The following GRIP2 variants were observed in gnomAD, a reference collection of about 807,000 sequenced individuals.
GRIP2 encodes the protein glutamate receptor-interacting protein 2.
In GRIP2, 58 loss-of-function variants were observed where a neutral mutation model predicts 108.3. The observed-to-expected ratio is 0.54, with a 90% CI of 0.43 to 0.67. The LOEUF is 0.67. Among genes scored for constraint, GRIP2 ranks in the 30% least tolerant of loss-of-function variants. The pLI, the probability that GRIP2 is intolerant of heterozygous loss-of-function variation, is 0.00. For synonymous variants in GRIP2, 586 were observed against 598.2 expected (o/e 0.98, Z 0.30); for missense variants, 1,278 against 1,430.6 (o/e 0.89, Z 1.72).
chr3:14,518,645 G>T (rs1694321172), intron 9 of GRIP2, among the ~76,000 whole-genome samples: 1 of 152,144 alleles, frequency 6.6e-6, no homozygotes, highest in African/African-American at 2.4e-5. Context: ...CTCTCCTCTT[G>T]CGCGGATGGA....
the GRIP2 span, among the ~76,000 whole-genome samples, chr3:14,563,010 G>A: frequency 5.3e-5 from 8 of 151,666 alleles, no homozygotes; most frequent in East Asian, 5.8e-4. Flanking sequence ...AATGAGAGTG[G>A]GGGAAAAAAA....
chr3:14,550,570 C>A (rs986095051), intron 1 of GRIP2, among the ~76,000 whole-genome samples: 1 of 152,250 alleles, frequency 6.6e-6, no homozygotes, highest in African/African-American at 2.4e-5. Flanking sequence ...TCTACCTCCA[C>A]CTCTGACTGG....
chr3:14,540,189 C>T lies in GRIP2; in HGVS notation c.40+80G>A. ...CAGTCCCAGGTCTCAGCCATCCAGT[C>T]CCCTCTCTCTGGGCAGCAGCTCCAG... On this transcript the variant is annotated intron_variant, in intron 1 of 23. Coordinates refer to ENST00000621039, the MANE Select transcript of GRIP2 (RefSeq NM_001080423.4). This position sits in a 1 kb window ranked among gnomAD's most constrained non-coding sequence, Gnocchi z 4.1. 2.0e-6 allele frequency: 3 copies of T among 1,533,536 alleles called. No homozygotes were observed. Among genetic ancestry groups the T allele is most frequent in the Non-Finnish European group, 2.7e-6 (3 of 1,126,228 alleles). The allele number at this position is 1,533,536 out of a possible 1,614,324, so 95.0% of individuals were successfully genotyped here. A position where few individuals can be genotyped will look rare whatever the true frequency, so the allele number is the denominator to read the frequency against.
intron 4 of GRIP2, 49 bp from the exon 5 acceptor site, chr3:14,523,747 G>T: frequency 8.0e-7 from 1 of 1,253,796 alleles, no homozygotes. Flanking sequence ...GCATCTCCAG[G>T]CCGGTAGATG....
At chr3:14,554,450 G>T (rs561090691) in intron 1 of GRIP2, among the ~76,000 whole-genome samples, 1 of 152,206 alleles carries the variant, frequency 6.6e-6, no homozygotes, top group Non-Finnish European at 1.5e-5. Context: ...AGCCTCAATG[G>T]GGGAGGGAGT....
chr3:14,598,347 GAC>G, the GRIP2 span, among the ~76,000 whole-genome samples: 86 of 147,406 alleles, frequency 5.8e-4, no homozygotes, highest in African/African-American at 1.7e-3. Flanking sequence ...ACCACAGGGG[GAC>G]ACACACACAC....
intron 1 of GRIP2, among the ~76,000 whole-genome samples, chr3:14,532,647 G>A (rs1694738588): frequency 1.3e-5 from 2 of 152,124 alleles, no homozygotes; most frequent in African/African-American, 2.4e-5. Context: ...GGTCAGGGGT[G>A]GGGCTCAACC....
chr3:14,507,500 A>G lies in GRIP2; in HGVS notation c.2218+61T>C. Reference sequence around the variant, plus strand: ...TGAGGGTGTGCAGGCAAAGCCTGGCACAGAGGGATTGCCCTTCCTAAACCT... The same window carrying G: ...TGAGGGTGTGCAGGCAAAGCCTGGCGCAGAGGGATTGCCCTTCCTAAACCT... On this transcript the variant is annotated intron_variant, in intron 18 of 23. Coordinates refer to ENST00000621039, the MANE Select transcript of GRIP2 (RefSeq NM_001080423.4). The surrounding 1 kb of genome is among the most constrained non-coding windows in gnomAD (Gnocchi z 4.6). 1 of 1,592,056 alleles carries G rather than the reference A, an allele frequency of 6.3e-7. No individual in the cohort carries two copies. Among genetic ancestry groups the G allele is most frequent in the Non-Finnish European group, 8.6e-7 (1 of 1,162,400 alleles).
intron 21 of GRIP2, among the ~76,000 whole-genome samples, chr3:14,498,565 T>C (rs1693679686): frequency 6.6e-6 from 1 of 152,074 alleles, no homozygotes; most frequent in East Asian, 1.9e-4. Context: ...GAAGCACCTT[T>C]TTCACACCTT....
At chr3:14,543,309 G>A (rs1211307475), upstream of GRIP2, among the ~76,000 whole-genome samples, 1 of 152,206 alleles carries the variant, frequency 6.6e-6, no homozygotes. Context: ...ATGTTAAGAG[G>A]GTCCTCAGGT....
At chr3:14,572,324 A>C in the GRIP2 span, among the ~76,000 whole-genome samples, 859 of 152,068 alleles carry the variant, frequency 5.6e-3, 11 homozygotes, top group East Asian at 0.029. Context: ...TCGTCAAGAC[A>C]CAAGCTAGGC....
At chr3:14,539,494 G>A (rs558115969) in intron 1 of GRIP2, among the ~76,000 whole-genome samples, 1 of 152,248 alleles carries the variant, frequency 6.6e-6, no homozygotes, top group East Asian at 1.9e-4. Context: ...TTCCTCCTCT[G>A]TCCACTGGGA....
chr3:14,499,258 C>G (rs559639168), intron 21 of GRIP2, among the ~76,000 whole-genome samples: 1 of 152,298 alleles, frequency 6.6e-6, no homozygotes, highest in Non-Finnish European at 1.5e-5. Flanking sequence ...AAGTGAGGAG[C>G]GATCTCACTG....
intron 3 of GRIP2, 34 bp downstream of exon 3, chr3:14,525,403 C>A (rs1575016845): frequency 6.2e-7 from 1 of 1,606,138 alleles, no homozygotes; most frequent in East Asian, 2.2e-5. Context: ...CCTCTGCACC[C>A]CCCTCCTGCG....
At chr3:14,517,001 T>C in intron 11 of GRIP2, 63 bp downstream of exon 11, 3 of 1,402,670 alleles carry the variant, frequency 2.1e-6, no homozygotes, top group South Asian at 3.4e-5. Flanking sequence ...CATACACCCT[T>C]TGGCAAGCCT....
the GRIP2 span, among the ~76,000 whole-genome samples, chr3:14,589,992 C>T: frequency 6.6e-6 from 1 of 151,984 alleles, no homozygotes; most frequent in Admixed American, 6.6e-5. Flanking sequence ...GAGGTCTCAC[C>T]ATGTTACCTA....
chr3:14,526,760 C>T (rs1287325470), intron 1 of GRIP2, among the ~76,000 whole-genome samples: 1 of 152,184 alleles, frequency 6.6e-6, no homozygotes, highest in Non-Finnish European at 1.5e-5. Flanking sequence ...GCAATGAAAT[C>T]TGTCTTTTTT....
the GRIP2 span, among the ~76,000 whole-genome samples, chr3:14,597,060 G>A: frequency 1.3e-5 from 2 of 152,154 alleles, no homozygotes; most frequent in Non-Finnish European, 2.9e-5. Context: ...AGATCTAAAC[G>A]AAGTGAGTTA....
intron 9 of GRIP2, 115 bp from the exon 10 acceptor site, chr3:14,518,012 G>A (rs550335646): frequency 6.4e-6 from 8 of 1,259,406 alleles, no homozygotes; most frequent in East Asian, 2.7e-5. Context: ...GCCAGGCAAG[G>A]CATTTAGTAT....
Sources: gnomAD v4.1 joint callset for allele counts (sites outside exome capture counted in the v4.1 genomes callset) on GRCh38, gnomAD v4.1.1 for gene constraint, Gnocchi (gnomAD v3.1) non-coding constraint, MANE v1.5 for transcripts, NCBI Gene and HGNC (gene_info 2026-07-23, HGNC 2026-07-21) for gene names.